GLI2: variants seen among roughly 807,000 people sequenced by gnomAD.
The protein encoded by GLI2 is transcription activator GLI2.
A neutral mutation model predicts 78.9 loss-of-function variants in GLI2; 22 were observed. That is an observed-to-expected ratio of 0.28 (90% CI 0.20 to 0.40). The LOEUF (loss-of-function observed/expected upper bound fraction) is 0.40. Ranked by LOEUF, GLI2 falls within the 10% of genes least tolerant of loss-of-function variation. The pLI is 1.00. For missense variants in GLI2, 2,097 were observed against 2,213.2 expected, an observed-to-expected ratio of 0.95 and a Z score of 1.05; for synonymous variants, 974 against 963.7, an observed-to-expected ratio of 1.01 and a Z score of -0.20.
Position 120,990,737 on chromosome 2 carries a change from T to C in GLI2, c.*62T>C. On this transcript the variant is annotated 3_prime_UTR_variant, in exon 14 of 14. Coordinates refer to ENST00000361492, the MANE Select transcript of GLI2 (RefSeq NM_001374353.1). ...GTCATCGCTGCCCAGAGCCTGGGGA[T>C]TCCAGCTGTCTTGTCTTTTTCCAAA... 7.1e-7 allele frequency: 1 copy of C among 1,404,716 alleles called. No homozygotes were observed. The highest frequency in any genetic ancestry group is 9.8e-7 in the Non-Finnish European group (1 of 1,019,490). The allele number at this position is 1,404,716 out of a possible 1,614,324, so 87.0% of individuals were successfully genotyped here. A position where few individuals can be genotyped will look rare whatever the true frequency, so the allele number is the denominator to read the frequency against.
At chr2:120,948,797 C>T (rs1680839529) in intron 3 of GLI2, among the ~76,000 whole-genome samples, 1 of 152,178 alleles carries the variant, frequency 6.6e-6, no homozygotes, top group South Asian at 2.1e-4. Context: ...CTGAACAAGC[C>T]ACGTAGGGCC....
At chr2:120,895,081 G>A (rs149838007) in intron 2 of GLI2, among the ~76,000 whole-genome samples, 1 of 152,320 alleles carries the variant, frequency 6.6e-6, no homozygotes, top group Non-Finnish European at 1.5e-5. Flanking sequence ...GCTCCCCGGT[G>A]GAGGCTTGGG....
intron 2 of GLI2, among the ~76,000 whole-genome samples, chr2:120,825,956 CA>C (rs1413150387): frequency 1.3e-5 from 2 of 152,232 alleles, no homozygotes; most frequent in Non-Finnish European, 2.9e-5. Flanking sequence ...AGCTGTGGCC[CA>C]GCAGTGTCCC....
intron 1 of GLI2, among the ~76,000 whole-genome samples, chr2:120,749,085 G>C (rs1268041229): frequency 6.6e-6 from 1 of 152,172 alleles, no homozygotes; most frequent in African/African-American, 2.4e-5. Context: ...CCTCTGTAAA[G>C]TATTTCCTAC....
intron 3 of GLI2, among the ~76,000 whole-genome samples, chr2:120,932,130 G>A (rs1297758965): frequency 6.6e-6 from 1 of 152,210 alleles, no homozygotes; most frequent in Non-Finnish European, 1.5e-5. Flanking sequence ...TGTGGTTGGA[G>A]CCCGGTGGAG....
At position 120,989,390 on chromosome 2, in the gene GLI2, G is replaced by A. The variant is rs768627802; in HGVS notation, c.3425G>A (p.Ser1142Asn). 3.7e-6 allele frequency: 6 copies of A among 1,612,906 alleles called. No individual in the cohort carries two copies. The African/African-American group carries it at 5.3e-5, about 14-fold the overall frequency. Residue 1142 changes from serine to asparagine, a missense_variant, in exon 14 of 14, where the codon AGC becomes AAC. By Grantham distance (46) the Ser-to-Asn change is conservative. Around this residue, in one of 5 missense-constraint regions of GLI2, gnomAD observed 1,290 missense variants for 1,261.7 expected, o/e 1.02. Transcript: ENST00000361492. ...VSSGTVDALA[S>N]QVKPPPFPQG... The stretch of plus-strand genomic sequence containing the variant: ...TCCGGCACCGTAGACGCCCTGGCCA[G>A]CCAGGTGAAGCCTCCACCCTTTCCT...
chr2:120,807,853 C>A (rs569117453), intron 2 of GLI2, among the ~76,000 whole-genome samples: 11 of 152,070 alleles, frequency 7.2e-5, no homozygotes, highest in Non-Finnish European at 8.8e-5. Context: ...ACCACCCCCC[C>A]ACACACCTCC....
chr2:120,773,924 T>TC, intron 1 of GLI2, among the ~76,000 whole-genome samples: 2 of 134,134 alleles, frequency 1.5e-5, no homozygotes, highest in African/African-American at 2.9e-5. Context: ...CTTCCTTCCT[T>TC]CCTTCCTTCC....
Position 120,989,272 on chromosome 2 carries a change from T to C in GLI2, c.3307T>C (p.Ser1103Pro), listed in dbSNP as rs1246994636. The C allele has an allele frequency of 1.2e-6, 2 of 1,613,098 alleles. No homozygotes were observed. The highest frequency in any genetic ancestry group is 1.7e-6 in the Non-Finnish European group (2 of 1,180,010). Reference sequence around the variant, plus strand: ...GGCTGCGGACTCCAACGTGGGCCCCTCCGCCCCTATGCTGGGAGGATGCCA... The same window carrying C: ...GGCTGCGGACTCCAACGTGGGCCCCCCCGCCCCTATGCTGGGAGGATGCCA... ...MVAADSNVGP[S>P]APMLGGCQLG... The change falls in exon 14 of 14, where the codon TCC becomes CCC. Residue 1103 changes from serine to proline, a missense_variant. Coordinates refer to ENST00000361492, the MANE Select transcript of GLI2 (RefSeq NM_001374353.1).
intron 2 of GLI2, among the ~76,000 whole-genome samples, chr2:120,836,410 TG>T (rs1295742799): frequency 1.3e-5 from 2 of 152,252 alleles, no homozygotes; most frequent in Non-Finnish European, 2.9e-5. Context: ...AGCTCTGATT[TG>T]CTCATTGAAA....
At chr2:120,797,990 C>T (rs951698477) in intron 2 of GLI2, among the ~76,000 whole-genome samples, 4 of 152,320 alleles carry the variant, frequency 2.6e-5, no homozygotes, top group African/African-American at 7.2e-5. Context: ...CATTTTACTG[C>T]CCCAAAGAGA....
chr2:120,950,747 A>G (rs1397816660), intron 3 of GLI2, among the ~76,000 whole-genome samples: 1 of 152,230 alleles, frequency 6.6e-6, no homozygotes, highest in Non-Finnish European at 1.5e-5. Flanking sequence ...TGAAGCCAGA[A>G]ACTCTCCACT....
chr2:120,991,040 G>C lies in GLI2; in HGVS notation c.*365G>C, dbSNP rs1191031793. The stretch of plus-strand genomic sequence containing the variant: ...AAACCTTTCAAAGGATATGCAGAAA[G>C]ATGGTAGGGAGCATTTGGGTTTGAA... On this transcript the variant is annotated 3_prime_UTR_variant, in exon 14 of 14. Transcript: ENST00000361492. 1 of 226,318 alleles carries C rather than the reference G, an allele frequency of 4.4e-6. No individual in the cohort carries two copies. Among genetic ancestry groups the C allele is most frequent in the African/African-American group, 2.2e-5 (1 of 44,464 alleles). 14.0% of individuals were successfully genotyped at this position (226,318 alleles called of 1,614,324 possible).
intron 2 of GLI2, among the ~76,000 whole-genome samples, chr2:120,887,524 G>C (rs1203328253): frequency 6.6e-6 from 1 of 152,266 alleles, no homozygotes; most frequent in Non-Finnish European, 1.5e-5. Context: ...GGTTAGGCTT[G>C]AGTCAACTTG....
intron 2 of GLI2, among the ~76,000 whole-genome samples, chr2:120,895,868 C>T (rs1677917258): frequency 6.6e-6 from 1 of 152,148 alleles, no homozygotes. Flanking sequence ...AGGTTTGAGC[C>T]CACTGTGGTT....
chr2:120,968,778 C>T lies in GLI2; in HGVS notation c.708C>T (p.Ser236=). The change falls in exon 6 of 14, where the codon TCC becomes TCT. Residue 236 remains serine (S), a synonymous_variant. Transcript: ENST00000361492. ...RLSRKRALSI[S]PLSDASLDLQ... is the part of the protein sequence containing the mutation. The stretch of plus-strand genomic sequence containing the variant: ...GCCGCAAGCGGGCGCTGTCCATCTC[C>T]CCACTCTCAGACGCCAGCCTGGACC... 1 of 1,613,756 alleles carries T rather than the reference C, an allele frequency of 6.2e-7. No homozygotes were observed. Among genetic ancestry groups the T allele is most frequent in the African/African-American group, 1.3e-5 (1 of 75,068 alleles).
intron 1 of GLI2, among the ~76,000 whole-genome samples, chr2:120,743,509 C>T (rs775924167): frequency 2.0e-5 from 3 of 152,136 alleles, no homozygotes; most frequent in African/African-American, 7.2e-5. Context: ...ATGAAGGTGA[C>T]CCTGGTGTAG....
At chr2:120,846,564 A>G (rs1244228324) in intron 2 of GLI2, among the ~76,000 whole-genome samples, 2 of 152,130 alleles carry the variant, frequency 1.3e-5, no homozygotes, top group South Asian at 2.1e-4. Flanking sequence ...CTGTTTTCCA[A>G]CAGCCCCTGG....
At chr2:120,778,928 G>T (rs1427352040) in intron 1 of GLI2, among the ~76,000 whole-genome samples, 2 of 152,218 alleles carry the variant, frequency 1.3e-5, no homozygotes, top group East Asian at 3.9e-4. Context: ...GGCTTGCCCG[G>T]CAAATGGGAT....
Sources: allele counts gnomAD v4.1 joint callset (sites outside exome capture counted in the v4.1 genomes callset), GRCh38; gene constraint gnomAD v4.1.1; regional missense constraint gnomAD v4.1.1; transcripts MANE v1.5; gene names NCBI Gene and HGNC (gene_info 2026-07-23, HGNC 2026-07-21).